DIAPH3: variants seen among roughly 807,000 people sequenced by gnomAD.
DIAPH3 encodes the protein diaphanous related formin 3, also known as protein diaphanous homolog 3.
Under a neutral mutation model 144.3 loss-of-function variants are expected in DIAPH3, and 117 were observed. That is an observed-to-expected ratio of 0.81 (90% CI 0.70 to 0.95). The LOEUF is 0.95. Ranked by LOEUF, DIAPH3 falls within the 40% of genes least tolerant of loss-of-function variation. DIAPH3 has a pLI of 0.00. For missense variants in DIAPH3, 1,421 were observed against 1,412.7 expected (o/e 1.01, Z -0.09); for synonymous variants, 519 against 488.9 (o/e 1.06, Z -0.81).
intron 15 of DIAPH3, among the ~76,000 whole-genome samples, chr13:59,971,522 G>C (rs981549327): frequency 1.1e-4 from 17 of 152,146 alleles, no homozygotes; most frequent in Non-Finnish European, 2.2e-4. Flanking sequence ...TTCACTCATA[G>C]TATGGAGAGA....
chr13:59,761,282 T>C (rs2037571235), intron 27 of DIAPH3, among the ~76,000 whole-genome samples: 1 of 152,170 alleles, frequency 6.6e-6, no homozygotes, highest in Non-Finnish European at 1.5e-5. Flanking sequence ...AAAAGTCACT[T>C]CTTTATAAAA....
intron 4 of DIAPH3, among the ~76,000 whole-genome samples, chr13:60,062,121 T>C (rs913690950): frequency 2.6e-5 from 4 of 152,186 alleles, no homozygotes; most frequent in African/African-American, 9.7e-5. Flanking sequence ...AGACATTTTA[T>C]GACTACAAGA....
intron 3 of DIAPH3, among the ~76,000 whole-genome samples, chr13:60,106,401 G>T (rs1280425286): frequency 1.3e-5 from 2 of 151,992 alleles, no homozygotes; most frequent in Non-Finnish European, 2.9e-5. Context: ...TCTCACATCA[G>T]GCATAGAGAT....
At chr13:59,715,779 AT>A (rs548521730) in intron 27 of DIAPH3, among the ~76,000 whole-genome samples, 403 of 152,252 alleles carry the variant, frequency 2.6e-3, no homozygotes, top group Non-Finnish European at 4.4e-3. Flanking sequence ...GCTGAGATTC[AT>A]TTTTTTCTTT....
At chr13:59,833,624 T>C (rs2041897992) in intron 23 of DIAPH3, among the ~76,000 whole-genome samples, 1 of 151,790 alleles carries the variant, frequency 6.6e-6, no homozygotes. Context: ...ATAATTGCAA[T>C]GATATTGAAA....
At chr13:59,885,099 T>C (rs149816006) in intron 20 of DIAPH3, among the ~76,000 whole-genome samples, 32 of 152,216 alleles carry the variant, frequency 2.1e-4, no homozygotes, top group Non-Finnish European at 3.5e-4. Context: ...TCTGGATCAC[T>C]AAGGATTTCA....
intron 18 of DIAPH3, among the ~76,000 whole-genome samples, chr13:59,919,756 G>A (rs965053107): frequency 5.9e-5 from 9 of 151,914 alleles, no homozygotes; most frequent in African/African-American, 2.4e-5. Context: ...GTCAAATTCC[G>A]AATATTCTAA....
At chr13:60,036,927 T>C (rs1164669775) in intron 5 of DIAPH3, among the ~76,000 whole-genome samples, 1 of 61,978 alleles carries the variant, frequency 1.6e-5, no homozygotes, top group Non-Finnish European at 3.5e-5. Flanking sequence ...AATGGCAAAA[T>C]TTTCACAGAA....
At chr13:59,975,156 A>G (rs1277577258) in intron 14 of DIAPH3, among the ~76,000 whole-genome samples, 2 of 151,978 alleles carry the variant, frequency 1.3e-5, no homozygotes, top group Non-Finnish European at 2.9e-5. Flanking sequence ...TATGACTAAA[A>G]ACCTCCTTTT....
At chr13:59,670,052 C>A (rs1389484626) in intron 27 of DIAPH3, among the ~76,000 whole-genome samples, 1 of 152,172 alleles carries the variant, frequency 6.6e-6, no homozygotes, top group Non-Finnish European at 1.5e-5. Context: ...GGTCTTTGAA[C>A]TTCTTTGGAG....
intron 24 of DIAPH3, among the ~76,000 whole-genome samples, chr13:59,825,031 ATTTAT>A (rs1164080291): frequency 1.4e-5 from 1 of 70,366 alleles, no homozygotes; most frequent in Non-Finnish European, 3.3e-5. Flanking sequence ...AAAATGACAC[ATTTAT>A]TTTATTTATT....
At chr13:59,956,243 G>T (rs1213690316) in intron 17 of DIAPH3, among the ~76,000 whole-genome samples, 1 of 152,216 alleles carries the variant, frequency 6.6e-6, no homozygotes, top group Admixed American at 6.5e-5. Context: ...TCCAAGGCAT[G>T]TCAGAGGTCT....
chr13:59,847,477 G>A (rs934221928), intron 22 of DIAPH3, among the ~76,000 whole-genome samples: 2 of 152,184 alleles, frequency 1.3e-5, no homozygotes, highest in Non-Finnish European at 2.9e-5. Flanking sequence ...AAAGGCGGCA[G>A]CCTTTTAGAA....
In DIAPH3 at chr13:59,839,346, T is replaced by C. The variant is rs1239536384; in HGVS notation, c.2840A>G (p.Asp947Gly). The C allele has an allele frequency of 6.2e-7, 1 of 1,613,564 alleles. No individual in the cohort carries two copies. Among genetic ancestry groups the C allele is most frequent in the Non-Finnish European group, 8.5e-7 (1 of 1,179,772 alleles). ...TATGGACATCTTTGTCACAAACTTG[T>C]CATGCAAGTCCTCAGGAGGGGGAAA... is the stretch of plus-strand genomic sequence containing the variant. ...ETFPPPEDLH[D>G]KFVTKMSRFV... Residue 947 changes from aspartate to glycine, a missense_variant, in exon 23 of 28, where the codon GAC becomes GGC. Coordinates refer to ENST00000400324, the MANE Select transcript of DIAPH3 (RefSeq NM_001042517.2).
intron 17 of DIAPH3, among the ~76,000 whole-genome samples, chr13:59,947,181 T>A (rs1357581294): frequency 6.6e-6 from 1 of 152,198 alleles, no homozygotes; most frequent in African/African-American, 2.4e-5. Context: ...AATAACTCGC[T>A]GATAATTGTT....
At chr13:59,980,657 T>C (rs1158465368) in intron 14 of DIAPH3, 138 bp downstream of exon 14, 4 of 751,286 alleles carry the variant, frequency 5.3e-6, no homozygotes, top group Non-Finnish European at 9.2e-6. Flanking sequence ...ACAGTAGTCC[T>C]CCTTGGTGGA....
In DIAPH3 at chr13:59,983,762, TACTC is replaced by T. The variant is rs1232514858; in HGVS notation, c.1480+3_1480+6del. Reference sequence around the variant, plus strand: ...AAGATATTTCTATTTAAATAATAAATACTCACCTACAAACTGGGTTAAATCTAAA... The same window carrying T: ...AAGATATTTCTATTTAAATAATAAATACCTACAAACTGGGTTAAATCTAAA... On this transcript the variant is annotated splice_donor_5th_base_variant and intron_variant, in intron 13 of 27. Coordinates refer to ENST00000400324, the MANE Select transcript of DIAPH3 (RefSeq NM_001042517.2). The T allele has an allele frequency of 2.0e-6, 3 of 1,516,276 alleles. No homozygotes were observed. The highest frequency in any genetic ancestry group is 1.4e-5 in the African/African-American group (1 of 72,676). 93.9% of individuals were successfully genotyped at this position (1,516,276 alleles called of 1,614,324 possible). A position where few individuals can be genotyped will look rare whatever the true frequency, so the allele number is the denominator to read the frequency against.
Position 60,163,733 on chromosome 13 carries a change from C to T in DIAPH3, c.34G>A (p.Ala12Thr). 1.9e-6 allele frequency: 3 copies of T among 1,605,442 alleles called. No individual in the cohort carries two copies. Among genetic ancestry groups the T allele is most frequent in the Non-Finnish European group, 2.6e-6 (3 of 1,176,308 alleles). ...GGAGTCCCAGCGGCTGAGCCTTGGG[C>T]CGGGTGGTGCAGCCGCGGCTGGTGC... ...ERHQPRLHHP[A>T]QGSAAGTPYP... The change falls in exon 1 of 28, where the codon GCC (alanine) becomes ACC (threonine). Residue 12 changes from alanine (A) to threonine (T), a missense_variant. Physicochemically the swap from Ala to Thr is moderately conservative, Grantham distance 58. Transcript: ENST00000400324.
At chr13:59,942,068 G>GAT (rs958425245) in intron 17 of DIAPH3, among the ~76,000 whole-genome samples, 10 of 152,230 alleles carry the variant, frequency 6.6e-5, no homozygotes, top group Non-Finnish European at 1.3e-4. Flanking sequence ...GCCTGAAGAA[G>GAT]ATATATATGA....
Sources: allele counts gnomAD v4.1 joint callset (sites outside exome capture counted in the v4.1 genomes callset), GRCh38; gene constraint gnomAD v4.1.1; transcripts MANE v1.5; gene names NCBI Gene and HGNC (gene_info 2026-07-23, HGNC 2026-07-21).